TMEFF1: variants seen among roughly 807,000 people sequenced by gnomAD.
The protein encoded by TMEFF1 is tomoregulin-1.
TMEFF1 carries 20 observed loss-of-function variants against 47.5 expected under a neutral mutation model. The observed-to-expected ratio is 0.42, with a 90% confidence interval of 0.30 to 0.61. The LOEUF (loss-of-function observed/expected upper bound fraction) is 0.61, where lower values mean the gene tolerates loss of function less well. TMEFF1 is among the 20% of genes least tolerant of loss of function. The pLI is 0.19. For missense variants in TMEFF1, 411 were observed against 471.1 expected, an observed-to-expected ratio of 0.87 and a Z score of 1.18; for synonymous variants, 162 against 166.3, an observed-to-expected ratio of 0.97 and a Z score of 0.20.
At chr9:100,549,106 C>G (rs1838787773) in intron 6 of TMEFF1, among the ~76,000 whole-genome samples, 1 of 152,260 alleles carries the variant, frequency 6.6e-6, no homozygotes, top group Middle Eastern at 3.4e-3. Context: ...AAAGAATTAC[C>G]TGAGACTGGG....
intron 5 of TMEFF1, among the ~76,000 whole-genome samples, chr9:100,521,241 T>C (rs1377297971): frequency 6.6e-6 from 1 of 152,254 alleles, no homozygotes; most frequent in East Asian, 1.9e-4. Context: ...ATTTAAATTA[T>C]TTTTGCTTCT....
chr9:100,529,156 A>G (rs1374010311), intron 5 of TMEFF1, among the ~76,000 whole-genome samples: 1 of 149,996 alleles, frequency 6.7e-6, no homozygotes, highest in Non-Finnish European at 1.5e-5. Context: ...TGTAAAGACC[A>G]TCAAGACTAG....
In TMEFF1 at chr9:100,539,563, C is replaced by A. The variant is rs988719808; in HGVS notation, c.561-8181C>A. ...TAAAGGCAGCGCGTCTGGAGTTGTT[C>A]GTTCCTTCTGGTGGGTTTGTGGTCT... On this transcript the variant is annotated intron_variant, in intron 5 of 9. Coordinates refer to ENST00000374879, the MANE Select transcript of TMEFF1 (RefSeq NM_003692.5). Among the ~76,000 whole-genome samples, 4 of 151,918 alleles carry A rather than the reference C, an allele frequency of 2.6e-5. No homozygotes were observed. The East Asian group carries it at 7.7e-4, about 29-fold the overall frequency.
Position 100,509,055 on chromosome 9 carries a change from A to G in TMEFF1, c.357A>G (p.Gln119=), listed in dbSNP as rs1207046568. ...GTGGATCAAATGGGGACACTTATCA[A>G]AATGAATGCTTTCTCAGAAGGGCTG... ...PVCGSNGDTY[Q]NECFLRRAAC... The change falls in exon 3 of 10, where the codon CAA becomes CAG. Residue 119 remains glutamine (Q), a synonymous_variant. Transcript: ENST00000374879. 6.2e-7 allele frequency: 1 copy of G among 1,604,742 alleles called. No homozygotes were observed. Among genetic ancestry groups the G allele is most frequent in the Non-Finnish European group, 8.5e-7 (1 of 1,176,558 alleles).
intron 5 of TMEFF1, among the ~76,000 whole-genome samples, chr9:100,524,437 C>T (rs1283104190): frequency 6.6e-6 from 1 of 152,182 alleles, no homozygotes; most frequent in East Asian, 1.9e-4. Context: ...GTGGCAGGGT[C>T]TGGTTTTCAG....
intron 8 of TMEFF1, among the ~76,000 whole-genome samples, chr9:100,569,927 A>G (rs796392112): frequency 5.9e-5 from 9 of 152,292 alleles, no homozygotes; most frequent in Admixed American, 2.0e-4. Flanking sequence ...CCTGACCAAC[A>G]TGTCCTCAAA....
intron 7 of TMEFF1, among the ~76,000 whole-genome samples, chr9:100,552,108 A>G (rs904437144): frequency 6.6e-6 from 1 of 152,200 alleles, no homozygotes; most frequent in Non-Finnish European, 1.5e-5. Context: ...AGAAGGCAAG[A>G]CTAGAAAGAC....
At chr9:100,513,791 C>T (rs1168418261) in intron 4 of TMEFF1, among the ~76,000 whole-genome samples, 3 of 152,096 alleles carry the variant, frequency 2.0e-5, no homozygotes, top group Non-Finnish European at 4.4e-5. Context: ...AGTTTTTGCT[C>T]ATCAGGAATT....
chr9:100,530,591 T>C (rs1348409357), intron 5 of TMEFF1, among the ~76,000 whole-genome samples: 1 of 152,102 alleles, frequency 6.6e-6, no homozygotes. Flanking sequence ...GTGGCAATAA[T>C]CAATAGTTTA....
chr9:100,576,472 C>A (rs1839356172), intron 9 of TMEFF1, 44 bp from the exon 10 acceptor site: 2 of 1,598,414 alleles, frequency 1.3e-6, no homozygotes, highest in Non-Finnish European at 1.7e-6. Context: ...TGAACAAAAT[C>A]ATCAAAACAA....
intron 7 of TMEFF1, among the ~76,000 whole-genome samples, chr9:100,551,491 G>A (rs1415555065): frequency 1.3e-5 from 2 of 152,172 alleles, no homozygotes; most frequent in Non-Finnish European, 2.9e-5. Context: ...TCACTATATT[G>A]ATAGTACTTG....
intron 8 of TMEFF1, 136 bp downstream of exon 8, chr9:100,561,656 C>G (rs1839018012): frequency 7.7e-7 from 1 of 1,298,372 alleles, no homozygotes. Flanking sequence ...AAAAACAAAT[C>G]AGCAGCATCA....
intron 7 of TMEFF1, among the ~76,000 whole-genome samples, chr9:100,559,538 A>G (rs545618257): frequency 1.5e-3 from 230 of 152,294 alleles, no homozygotes; most frequent in Non-Finnish European, 2.7e-3. Flanking sequence ...AAGTAAAAAT[A>G]TCTCAATTTT....
chr9:100,524,254 A>G (rs1044819572), intron 5 of TMEFF1, among the ~76,000 whole-genome samples: 6 of 152,226 alleles, frequency 3.9e-5, no homozygotes, highest in Non-Finnish European at 1.5e-5. Flanking sequence ...TTAAACATAC[A>G]TGTGCAATTT....
At chr9:100,552,587 A>G (rs1423052485) in intron 7 of TMEFF1, among the ~76,000 whole-genome samples, 1 of 152,200 alleles carries the variant, frequency 6.6e-6, no homozygotes, top group Non-Finnish European at 1.5e-5. Context: ...TGATAACTGA[A>G]GCCACAAGAA....
chr9:100,547,111 G>A (rs536775362), intron 5 of TMEFF1, among the ~76,000 whole-genome samples: 1 of 152,246 alleles, frequency 6.6e-6, no homozygotes, highest in South Asian at 2.1e-4. Context: ...AACCTCCTGG[G>A]CTTAAGTGAT....
intron 8 of TMEFF1, 130 bp from the exon 9 acceptor site, chr9:100,572,388 G>T (rs1019819768): frequency 9.5e-7 from 1 of 1,048,318 alleles, no homozygotes; most frequent in African/African-American, 1.6e-5. Flanking sequence ...TTTTCCCCCA[G>T]ATGGTAGGAA....
At chr9:100,535,538 A>T (rs1838486415) in intron 5 of TMEFF1, among the ~76,000 whole-genome samples, 1 of 152,196 alleles carries the variant, frequency 6.6e-6, no homozygotes, top group South Asian at 2.1e-4. Context: ...TGGGAGGCCG[A>T]GGTGGGGGAA....
At chr9:100,526,786 T>C (rs1196536050) in intron 5 of TMEFF1, among the ~76,000 whole-genome samples, 1 of 151,780 alleles carries the variant, frequency 6.6e-6, no homozygotes, top group Non-Finnish European at 1.5e-5. Flanking sequence ...GGAGTGTTTT[T>C]TTCTAGTCTC....
Sources: allele counts gnomAD v4.1 joint callset (sites outside exome capture counted in the v4.1 genomes callset), GRCh38; gene constraint gnomAD v4.1.1; transcripts MANE v1.5; gene names NCBI Gene and HGNC (gene_info 2026-07-23, HGNC 2026-07-21).